LARGE1: variants seen among roughly 807,000 people sequenced by gnomAD.
The protein encoded by LARGE1 is LARGE xylosyl- and glucuronyltransferase 1, also known as xylosyl- and glucuronyltransferase LARGE1.
A neutral mutation model predicts 87.6 loss-of-function variants in LARGE1; 43 were observed. The observed-to-expected ratio is 0.49, with a 90% CI of 0.38 to 0.63. The LOEUF is 0.63. LARGE1 is among the 30% of genes least tolerant of loss of function. The pLI is 0.00. For missense variants in LARGE1, 802 were observed against 1,000.2 expected, an observed-to-expected ratio of 0.80 and a Z score of 2.67; for synonymous variants, 434 against 394.6, an observed-to-expected ratio of 1.10 and a Z score of -1.18.
chr22:33,584,438 T>C (rs2078609656), intron 5 of LARGE1, among the ~76,000 whole-genome samples: 1 of 152,172 alleles, frequency 6.6e-6, no homozygotes, highest in African/African-American at 2.4e-5. Flanking sequence ...AGCTGGTAGC[T>C]GATTGGTACT....
chr22:33,607,351 C>T (rs2079294074), intron 4 of LARGE1, among the ~76,000 whole-genome samples: 2 of 148,810 alleles, frequency 1.3e-5, no homozygotes, highest in South Asian at 2.1e-4. Context: ...ATTCCAGCTA[C>T]TTGGGAGGTT....
chr22:33,433,607 C>CAAAAAAAAAAAAAAAAAAAAAAA (rs57605083), intron 6 of LARGE1, among the ~76,000 whole-genome samples: 2 of 88,262 alleles, frequency 2.3e-5, no homozygotes, highest in Non-Finnish European at 4.1e-5. Flanking sequence ...AAAAACAAAA[C>CAAAAAAAAAAAAAAAAAAAAAAA]AAAAAAAAAA....
chr22:33,391,716 T>A (rs1020871473), intron 7 of LARGE1, among the ~76,000 whole-genome samples: 2 of 151,866 alleles, frequency 1.3e-5, no homozygotes, highest in African/African-American at 4.8e-5. Flanking sequence ...GTGAAAACAT[T>A]TGTCTTTGCT....
intron 6 of LARGE1, among the ~76,000 whole-genome samples, chr22:33,466,714 A>ACACACACACACAC (rs1491413395): frequency 4.9e-5 from 7 of 141,930 alleles, no homozygotes; most frequent in Admixed American, 3.5e-4. Flanking sequence ...ACACACACAC[A>ACACACACACACAC]TACACACACA....
At chr22:33,662,439 CT>C (rs2081154626) in intron 2 of LARGE1, among the ~76,000 whole-genome samples, 1 of 152,144 alleles carries the variant, frequency 6.6e-6, no homozygotes, top group South Asian at 2.1e-4. Context: ...AGTCAACTGG[CT>C]TTGAGACAAA....
chr22:33,217,010 C>T (rs1431095418), intron 11 of LARGE1, among the ~76,000 whole-genome samples: 5 of 152,108 alleles, frequency 3.3e-5, no homozygotes, highest in South Asian at 4.2e-4. Flanking sequence ...GTTAAAACGT[C>T]GGACAGTACT....
chr22:33,328,117 C>T (rs1054366940), intron 10 of LARGE1, among the ~76,000 whole-genome samples: 2 of 151,788 alleles, frequency 1.3e-5, no homozygotes, highest in Non-Finnish European at 1.5e-5. Context: ...ATGAAGGAGC[C>T]CTGGAGAGAG....
At chr22:33,245,959 G>A (rs1926738916) in intron 11 of LARGE1, among the ~76,000 whole-genome samples, 1 of 152,048 alleles carries the variant, frequency 6.6e-6, no homozygotes, top group Admixed American at 6.6e-5. Context: ...AATGAGAAGT[G>A]TCAATAAAAA....
chr22:33,894,770 G>A (rs1050379348), intron 1 of LARGE1, among the ~76,000 whole-genome samples: 1 of 152,028 alleles, frequency 6.6e-6, no homozygotes, highest in Admixed American at 6.5e-5. Context: ...GTGCTCCTCT[G>A]TAAGTCAGGC....
chr22:33,316,649 A>G (rs1020520087), intron 10 of LARGE1, among the ~76,000 whole-genome samples: 1 of 152,148 alleles, frequency 6.6e-6, no homozygotes, highest in African/African-American at 2.4e-5. Flanking sequence ...AGGTGGGAGA[A>G]TCACCTGAGC....
intron 2 of LARGE1, among the ~76,000 whole-genome samples, chr22:33,700,563 C>G (rs1292198431): frequency 6.6e-6 from 1 of 152,126 alleles, no homozygotes; most frequent in Non-Finnish European, 1.5e-5. Context: ...ATCCAAGAGT[C>G]CCGGTGGACT....
chr22:33,556,570 GGCAGGC>G (rs1569266906), intron 6 of LARGE1, among the ~76,000 whole-genome samples: 30 of 111,640 alleles, frequency 2.7e-4, no homozygotes, highest in African/African-American at 1.2e-3. Flanking sequence ...GAGGGAGGCA[GGCAGGC>G]AGGCAGGCAG....
intron 6 of LARGE1, among the ~76,000 whole-genome samples, chr22:33,538,400 C>T (rs1190862203): frequency 1.3e-5 from 2 of 152,226 alleles, no homozygotes; most frequent in East Asian, 3.8e-4. Flanking sequence ...TTAGTGTCTT[C>T]TGTGTCCAAC....
At chr22:33,608,573 T>G (rs895523001) in intron 4 of LARGE1, among the ~76,000 whole-genome samples, 2 of 152,178 alleles carry the variant, frequency 1.3e-5, no homozygotes, top group Non-Finnish European at 2.9e-5. Context: ...AAACCATCTT[T>G]TCATCCCCAT....
chr22:33,357,799 GA>G (rs998751573), intron 9 of LARGE1, among the ~76,000 whole-genome samples: 5 of 151,132 alleles, frequency 3.3e-5, no homozygotes, highest in South Asian at 2.1e-4. Flanking sequence ...TCGCAAAAAA[GA>G]AAAAAAAATT....
At chr22:33,599,591 T>A (rs2079063978) in intron 5 of LARGE1, among the ~76,000 whole-genome samples, 1 of 152,100 alleles carries the variant, frequency 6.6e-6, no homozygotes, top group Non-Finnish European at 1.5e-5. Context: ...CAGAGAGAAG[T>A]GTACCAGTCC....
At chr22:33,413,515 A>G (rs1357834879) in intron 7 of LARGE1, among the ~76,000 whole-genome samples, 1 of 151,784 alleles carries the variant, frequency 6.6e-6, no homozygotes, top group Non-Finnish European at 1.5e-5. Context: ...CCCAGACTGG[A>G]GTGCAGTGGC....
intron 5 of LARGE1, among the ~76,000 whole-genome samples, chr22:33,590,196 T>C (rs560943384): frequency 1.1e-4 from 17 of 152,338 alleles, no homozygotes; most frequent in East Asian, 5.8e-4. Flanking sequence ...TATCCTCTTA[T>C]GGGTATTAAA....
intron 5 of LARGE1, among the ~76,000 whole-genome samples, chr22:33,593,339 G>T (rs1407810002): frequency 6.6e-6 from 1 of 152,056 alleles, no homozygotes; most frequent in Admixed American, 6.6e-5. Flanking sequence ...CACTGCACCT[G>T]GCCTATTGGT....
Sources: gnomAD v4.1 joint callset for allele counts (sites outside exome capture counted in the v4.1 genomes callset) on GRCh38, gnomAD v4.1.1 for gene constraint, MANE v1.5 for transcripts, NCBI Gene and HGNC (gene_info 2026-07-23, HGNC 2026-07-21) for gene names.